The following ABCF2 variants were observed in gnomAD, a reference collection of about 807,000 sequenced individuals.
ABCF2 encodes the protein ATP binding cassette subfamily F member 2.
Under a neutral mutation model 76.9 loss-of-function variants are expected in ABCF2, and 37 were observed. That is an observed-to-expected ratio of 0.48 (90% CI 0.37 to 0.63). The LOEUF (loss-of-function observed/expected upper bound fraction) is 0.63. Ranked by LOEUF, ABCF2 falls within the 30% of genes least tolerant of loss-of-function variation. The pLI, the probability that ABCF2 is intolerant of heterozygous loss-of-function variation, is 0.00. For missense variants in ABCF2, 524 were observed against 782.1 expected (o/e 0.67, Z 3.94); for synonymous variants, 299 against 283.7 (o/e 1.05, Z -0.54).
chr7:151,211,698 C>T lies in ABCF2; in HGVS notation c.*2356G>A. On this transcript the variant is annotated 3_prime_UTR_variant, in exon 15 of 15. Coordinates refer to ENST00000287844, the MANE Select transcript of ABCF2 (RefSeq NM_007189.3). ...TAAGTATCAAGGGCTCTGTCCCTCACTGTCCCCATTATCCCAGCAGCCCAC... is the reference window on the plus strand; with the variant it reads ...TAAGTATCAAGGGCTCTGTCCCTCATTGTCCCCATTATCCCAGCAGCCCAC... The T allele has an allele frequency of 1.0e-6, 1 of 985,444 alleles. No individual in the cohort carries two copies. The highest frequency in any genetic ancestry group is 4.7e-5 in the South Asian group (1 of 21,294). 61.0% of individuals were successfully genotyped at this position (985,444 alleles called of 1,614,324 possible).
At position 151,215,176 on chromosome 7, in the gene ABCF2, G is replaced by C. The variant is rs1251853030; in HGVS notation, c.1531-94C>G. 8.4e-7 allele frequency: 1 copy of C among 1,191,136 alleles called. No individual in the cohort carries two copies. Among genetic ancestry groups the C allele is most frequent in the Non-Finnish European group, 1.2e-6 (1 of 828,922 alleles). 73.8% of individuals were successfully genotyped at this position (1,191,136 alleles called of 1,614,324 possible). On this transcript the variant is annotated intron_variant, in intron 13 of 14. Transcript: ENST00000287844. The surrounding 1 kb of genome is among the most constrained non-coding windows in gnomAD (Gnocchi z 4.6). ...TCATTTCTCCCTGACTCCTCCATTA[G>C]CATCGCCATTTATAAAAAGTGAGGC... is the stretch of plus-strand genomic sequence containing the variant.
At chr7:151,225,296 C>T (rs527874925) in intron 2 of ABCF2, among the ~76,000 whole-genome samples, 10 of 152,288 alleles carry the variant, frequency 6.6e-5, no homozygotes, top group South Asian at 4.1e-4. Flanking sequence ...CTTTTCTGAA[C>T]GCCTATCTGT....
rs1199195794 is a variant in ABCF2, at chr7:151,214,208, G to A, written c.1735-17C>T. 6.2e-7 allele frequency: 1 copy of A among 1,614,118 alleles called. No homozygotes were observed. The highest frequency in any genetic ancestry group is 1.1e-5 in the South Asian group (1 of 91,074). ...CTGTGCAACCTAGAAAGCAAAACCT[G>A]GACTTAATCCTGGGCTAGTCACTGT... On this transcript the variant is annotated splice_polypyrimidine_tract_variant and intron_variant, in intron 14 of 14. Transcript: ENST00000287844. This position sits in a 1 kb window ranked among gnomAD's most constrained non-coding sequence, Gnocchi z 4.9.
intron 5 of ABCF2, 42 bp downstream of exon 5, chr7:151,223,636 G>A (rs893917705): frequency 1.9e-6 from 3 of 1,548,536 alleles, no homozygotes; most frequent in African/African-American, 2.7e-5. Context: ...ACACTGGAGA[G>A]ATGGGGGAGT....
Position 151,214,746 on chromosome 7 carries a change from C to A in ABCF2, c.1734+133G>T. The A allele has an allele frequency of 1.2e-6, 1 of 819,774 alleles. No individual in the cohort carries two copies. The highest frequency in any genetic ancestry group is 2.3e-5 in the Admixed American group (1 of 42,762). The allele number at this position is 819,774 out of a possible 1,614,324, so 50.8% of individuals were successfully genotyped here. A position where few individuals can be genotyped will look rare whatever the true frequency, so the allele number is the denominator to read the frequency against. ...AAAGAGGCATAAGAACTGGTCCTCA[C>A]CACCTGTGTCTACACTCTGAGCCCC... is the stretch of plus-strand genomic sequence containing the variant. On this transcript the variant is annotated intron_variant, in intron 14 of 14. Coordinates refer to ENST00000287844, the MANE Select transcript of ABCF2 (RefSeq NM_007189.3). The surrounding 1 kb of genome is among the most constrained non-coding windows in gnomAD (Gnocchi z 4.9).
intron 7 of ABCF2, among the ~76,000 whole-genome samples, chr7:151,219,596 A>G (rs60468236): frequency 0.015 from 2,220 of 152,326 alleles, 57 homozygotes; most frequent in African/African-American, 0.05. Context: ...CAAACCCTGC[A>G]TAAGTGGACT....
chr7:151,217,718 G>A (rs112387664), intron 11 of ABCF2, among the ~76,000 whole-genome samples: 6 of 142,362 alleles, frequency 4.2e-5, no homozygotes, highest in Non-Finnish European at 6.1e-5. Context: ...GCTTGAACTC[G>A]GGGGATGAAG....
chr7:151,224,862 G>T lies in ABCF2; in HGVS notation c.281C>A (p.Thr94Asn). ...ACTGAGCAGCTCTTGACCATGAAAGGTAAGTGAGAGGTTGATGATGTGAAC... is the reference window on the plus strand; with the variant it reads ...ACTGAGCAGCTCTTGACCATGAAAGTTAAGTGAGAGGTTGATGATGTGAAC... ...TDVHIINLSLTFHGQELLSDT... is the reference protein window; with the variant it reads ...TDVHIINLSLNFHGQELLSDT... The change falls in exon 3 of 15, where the codon ACC becomes AAC. Residue 94 changes from threonine to asparagine, a missense_variant. By Grantham distance (65) the Thr-to-Asn change is moderately conservative. Around this residue, in one of 2 missense-constraint regions of ABCF2, gnomAD observed 330 missense variants for 433.6 expected, o/e 0.76. Coordinates refer to ENST00000287844, the MANE Select transcript of ABCF2 (RefSeq NM_007189.3). 6.2e-7 allele frequency: 1 copy of T among 1,614,178 alleles called. No individual in the cohort carries two copies. Among genetic ancestry groups the T allele is most frequent in the Non-Finnish European group, 8.5e-7 (1 of 1,180,002 alleles).
At chr7:151,217,791 C>CA (rs376651941) in intron 11 of ABCF2, among the ~76,000 whole-genome samples, 1,542 of 131,562 alleles carry the variant, frequency 0.012, 13 homozygotes, top group African/African-American at 0.025. Context: ...GACTCCACCT[C>CA]AAAAAAAAAA....
Position 151,215,085 on chromosome 7 carries a change from G to C in ABCF2, c.1531-3C>G. 6.2e-7 allele frequency: 1 copy of C among 1,611,346 alleles called. No homozygotes were observed. The highest frequency in any genetic ancestry group is 8.5e-7 in the Non-Finnish European group (1 of 1,178,622). On this transcript the variant is annotated splice_polypyrimidine_tract_variant and splice_region_variant and intron_variant, in intron 13 of 14. Coordinates refer to ENST00000287844, the MANE Select transcript of ABCF2 (RefSeq NM_007189.3). The surrounding 1 kb of genome is among the most constrained non-coding windows in gnomAD (Gnocchi z 4.6). The stretch of plus-strand genomic sequence containing the variant: ...GACAAGTTCCGGATTGGGCTCACCT[G>C]AGTAGAACCGTGACCTACATATAAC...
At position 151,213,832 on chromosome 7, in the gene ABCF2, A is replaced by G. The variant is rs1584836785; in HGVS notation, c.*222T>C. 1.4e-6 allele frequency: 2 copies of G among 1,383,116 alleles called. No individual in the cohort carries two copies. The highest frequency in any genetic ancestry group is 1.9e-6 in the Non-Finnish European group (2 of 1,073,722). The allele number at this position is 1,383,116 out of a possible 1,614,324, so 85.7% of individuals were successfully genotyped here. A position where few individuals can be genotyped will look rare whatever the true frequency, so the allele number is the denominator to read the frequency against. On this transcript the variant is annotated 3_prime_UTR_variant, in exon 15 of 15. Transcript: ENST00000287844. Reference sequence around the variant, plus strand: ...AGGGAACGGCCAGCCGAGTCCAGACATGGACAGATGTAACTGGAAGGAGGA... The same window carrying G: ...AGGGAACGGCCAGCCGAGTCCAGACGTGGACAGATGTAACTGGAAGGAGGA...
At chr7:151,217,710 T>C (rs1802178029) in intron 11 of ABCF2, among the ~76,000 whole-genome samples, 1 of 150,032 alleles carries the variant, frequency 6.7e-6, no homozygotes, top group African/African-American at 2.5e-5. Flanking sequence ...GGAGAATTGC[T>C]TGAACTCGGG....
At chr7:151,226,558 G>GC (rs1802377120) in intron 1 of ABCF2, 58 bp from the exon 2 acceptor site, 1 of 1,269,318 alleles carries the variant, frequency 7.9e-7, no homozygotes, top group Non-Finnish European at 1.1e-6. Flanking sequence ...GAATGCCTGG[G>GC]CCCTGCTCCA....
At chr7:151,218,980 C>T (rs1002662602) in intron 8 of ABCF2, 84 bp downstream of exon 8, 17 of 1,610,626 alleles carry the variant, frequency 1.1e-5, no homozygotes, top group Non-Finnish European at 1.0e-5. Flanking sequence ...TCCTCCATCA[C>T]TACCGCTTCT....
intron 5 of ABCF2, 27 bp downstream of exon 5, chr7:151,223,651 G>A: frequency 6.4e-7 from 1 of 1,564,786 alleles, no homozygotes; most frequent in Non-Finnish European, 8.7e-7. Context: ...GGGAGTTATG[G>A]GGGTAGGGAA....
In ABCF2 at chr7:151,212,576, A is replaced by T; in HGVS notation, c.*1478T>A. The T allele has an allele frequency of 1.2e-6, 1 of 844,142 alleles. No homozygotes were observed. The highest frequency in any genetic ancestry group is 5.4e-5 in the South Asian group (1 of 18,472). 52.3% of individuals were successfully genotyped at this position (844,142 alleles called of 1,614,324 possible). On this transcript the variant is annotated 3_prime_UTR_variant, in exon 15 of 15. Transcript: ENST00000287844. ...TGTAGCGGCACGCTCTGCTCACTGC[A>T]GCCTCAACCTCCTGGGCTCAAGTGA...
Position 151,226,417 on chromosome 7 carries a change from C to A in ABCF2, c.42G>T (p.Lys14Asn). The A allele has an allele frequency of 6.2e-7, 1 of 1,614,146 alleles. No homozygotes were observed. Among genetic ancestry groups the A allele is most frequent in the Non-Finnish European group, 8.5e-7 (1 of 1,180,004 alleles). ...DLAKKKAAKK[K>N]EAAKARQRPR... The stretch of plus-strand genomic sequence containing the variant: ...GCCGCTGTCGAGCTTTGGCAGCCTC[C>A]TTCTTTTTGGCTGCCTTCTTCTTGG... The change falls in exon 2 of 15, where the codon AAG becomes AAT. Residue 14 changes from lysine to asparagine, a missense_variant. Transcript: ENST00000287844.
rs957759148 is a variant in ABCF2 at position 151,213,539 on chromosome 7, G to C, written c.*515C>G. On this transcript the variant is annotated 3_prime_UTR_variant, in exon 15 of 15. Transcript: ENST00000287844. ...TTCCTCTTTCTTTATTGGGCGCTTTGTAGATGTCACGCAGGTCTAAAAGTT... is the reference window on the plus strand; with the variant it reads ...TTCCTCTTTCTTTATTGGGCGCTTTCTAGATGTCACGCAGGTCTAAAAGTT... 3 of 985,888 alleles carry C rather than the reference G, an allele frequency of 3.0e-6. No individual in the cohort carries two copies. The highest frequency in any genetic ancestry group is 3.5e-5 in the African/African-American group (2 of 57,142). 61.1% of individuals were successfully genotyped at this position (985,888 alleles called of 1,614,324 possible).
In ABCF2 at chr7:151,215,587, C is replaced by T. The variant is rs1303818065; in HGVS notation, c.1530+17G>A. On this transcript the variant is annotated intron_variant, in intron 13 of 14. Coordinates refer to ENST00000287844, the MANE Select transcript of ABCF2 (RefSeq NM_007189.3). This position sits in a 1 kb window ranked among gnomAD's most constrained non-coding sequence, Gnocchi z 4.6. ...TGCCAGCTATCTGGCATCCTCACCACACCCTCCTTTACTGACCTGTTGTTT... is the reference window on the plus strand; with the variant it reads ...TGCCAGCTATCTGGCATCCTCACCATACCCTCCTTTACTGACCTGTTGTTT... The T allele has an allele frequency of 3.7e-6, 6 of 1,613,636 alleles. No homozygotes were observed. Among genetic ancestry groups the T allele is most frequent in the African/African-American group, 1.3e-5 (1 of 74,906 alleles).
Sources: gnomAD v4.1 joint callset for allele counts (sites outside exome capture counted in the v4.1 genomes callset) on GRCh38, gnomAD v4.1.1 for gene constraint, gnomAD v4.1.1 regional missense constraint, Gnocchi (gnomAD v3.1) non-coding constraint, MANE v1.5 for transcripts, NCBI Gene and HGNC (gene_info 2026-07-23, HGNC 2026-07-21) for gene names.